SI: variants seen among roughly 807,000 people sequenced by gnomAD.
SI encodes sucrase-isomaltase, also known as sucrase-isomaltase, intestinal.
SI carries 235 observed loss-of-function variants against 253.3 expected under a neutral mutation model. The observed-to-expected ratio is 0.93, with a 90% CI of 0.83 to 1.03. The LOEUF (loss-of-function observed/expected upper bound fraction) is 1.03. Ranked by LOEUF, SI falls within the 50% of genes least tolerant of loss-of-function variation. The pLI is 0.00. For missense variants in SI, 2,442 were observed against 2,211.1 expected, an observed-to-expected ratio of 1.10 and a Z score of -2.09; for synonymous variants, 819 against 712.0, an observed-to-expected ratio of 1.15 and a Z score of -2.39.
intron 40 of SI, 79 bp downstream of exon 40, chr3:164,996,456 A>G (rs1445827715): frequency 5.7e-6 from 5 of 871,324 alleles, no homozygotes; most frequent in Non-Finnish European, 5.9e-6. Context: ...ATACCAGCTA[A>G]CCAAGCCATG....
At chr3:165,066,637 T>C (rs1015693108) in intron 6 of SI, among the ~76,000 whole-genome samples, 1 of 151,988 alleles carries the variant, frequency 6.6e-6, no homozygotes, top group Non-Finnish European at 1.5e-5. Context: ...TTCTATGAAC[T>C]CAACATGTTT....
chr3:165,027,468 C>T (rs1291835874), intron 25 of SI, among the ~76,000 whole-genome samples: 2 of 151,234 alleles, frequency 1.3e-5, no homozygotes, highest in African/African-American at 4.8e-5. Context: ...GCCAGTATCA[C>T]CCTAATACCA....
chr3:164,981,231 G>T (rs769840289), intron 47 of SI, among the ~76,000 whole-genome samples: 2 of 151,952 alleles, frequency 1.3e-5, no homozygotes, highest in Non-Finnish European at 2.9e-5. Context: ...ATAGCGAGTT[G>T]CAGTGCAAAA....
chr3:165,066,974 ACTC>A (rs1198611007), intron 6 of SI, among the ~76,000 whole-genome samples: 6 of 151,584 alleles, frequency 4.0e-5, no homozygotes, highest in Admixed American at 6.6e-5. Flanking sequence ...ATGGGAAATA[ACTC>A]CTCTTTGGTC....
chr3:165,075,334 A>G (rs1249150309), intron 2 of SI, among the ~76,000 whole-genome samples: 3 of 152,030 alleles, frequency 2.0e-5, no homozygotes, highest in Non-Finnish European at 4.4e-5. Context: ...TTTGCTCAAG[A>G]GAGAATAATG....
intron 1 of SI, among the ~76,000 whole-genome samples, chr3:165,077,306 G>A (rs1715060778): frequency 6.6e-6 from 1 of 151,386 alleles, no homozygotes; most frequent in Non-Finnish European, 1.5e-5. Context: ...CCACTCTGAG[G>A]CACAGTTAAT....
intron 9 of SI, 40 bp downstream of exon 9, chr3:165,062,331 G>T (rs750555835): frequency 2.2e-5 from 21 of 970,524 alleles, no homozygotes; most frequent in Middle Eastern, 2.4e-4. Flanking sequence ...TGAAATAAAA[G>T]TATGCAGAAA....
At position 165,062,465 on chromosome 3, in the gene SI, G is replaced by T. The variant is rs776338698; in HGVS notation, c.926C>A (p.Thr309Asn). 1.3e-6 allele frequency: 2 copies of T among 1,591,104 alleles called. No homozygotes were observed. Among genetic ancestry groups the T allele is most frequent in the Non-Finnish European group, 1.7e-6 (2 of 1,159,952 alleles). Residue 309 changes from threonine (T) to asparagine (N), a missense_variant, in exon 9 of 48, where the codon ACT becomes AAT. Physicochemically the swap from Thr to Asn is moderately conservative, Grantham distance 65. Coordinates refer to ENST00000264382, the MANE Select transcript of SI (RefSeq NM_001041.4). Reference protein sequence around the residue: ...SNAMEIFIQPTPIVTYRVTGG... With the variant: ...SNAMEIFIQPNPIVTYRVTGG... ...GGTAACTCTATATGTTACTATTGGA[G>T]TAGGCTGGATAAAAATCTCTGCAAA...
chr3:165,027,403 G>A (rs1711986088), intron 25 of SI, among the ~76,000 whole-genome samples: 1 of 151,074 alleles, frequency 6.6e-6, no homozygotes, highest in African/African-American at 2.4e-5. Flanking sequence ...CCAATCTATT[G>A]ACGTTATTCC....
At chr3:164,989,964 G>A (rs190918015) in intron 44 of SI, among the ~76,000 whole-genome samples, 34 of 152,258 alleles carry the variant, frequency 2.2e-4, no homozygotes, top group African/African-American at 7.2e-4. Flanking sequence ...GTTTAGGTCA[G>A]TAAAACAATT....
Position 165,065,385 on chromosome 3 carries a change from T to C in SI, c.683A>G (p.Gln228Arg). 6.3e-7 allele frequency: 1 copy of C among 1,583,714 alleles called. No individual in the cohort carries two copies. Among genetic ancestry groups the C allele is most frequent in the Non-Finnish European group, 8.6e-7 (1 of 1,157,938 alleles). The change falls in exon 7 of 48, where the codon CAG becomes CGG. Residue 228 changes from glutamine to arginine, a missense_variant. Transcript: ENST00000264382. ...GPLVYSDQYL[Q>R]ISTRLPSDYI... ...ATCACTTGGAAGACGGGTTGAGATCTGTAAGTACTGGTCAGAGTACACTAA... is the reference window on the plus strand; with the variant it reads ...ATCACTTGGAAGACGGGTTGAGATCCGTAAGTACTGGTCAGAGTACACTAA...
chr3:165,016,268 A>G lies in SI; in HGVS notation c.3760-188T>C, dbSNP rs535712280. 5.9e-5 allele frequency among the ~76,000 whole-genome samples: 9 copies of G among 152,162 alleles called. No individual in the cohort carries two copies. In the South Asian group the frequency reaches 8.3e-4, roughly 14 times the overall value. On this transcript the variant is annotated intron_variant, in intron 31 of 47. Coordinates refer to ENST00000264382, the MANE Select transcript of SI (RefSeq NM_001041.4). ...GCATGTAAAGATGTAAAGTATTCTA[A>G]GAACAACTTTCTATAAATGTTCTGT... is the stretch of plus-strand genomic sequence containing the variant.
chr3:164,992,791 C>G (rs887051392), intron 41 of SI, among the ~76,000 whole-genome samples: 2 of 151,692 alleles, frequency 1.3e-5, no homozygotes, highest in African/African-American at 2.4e-5. Flanking sequence ...AATTTTAATT[C>G]ATTAATTTTA....
At chr3:164,984,391 T>C (rs541394854) in intron 45 of SI, among the ~76,000 whole-genome samples, 1 of 152,288 alleles carries the variant, frequency 6.6e-6, no homozygotes, top group South Asian at 2.1e-4. Context: ...GCTAATTTAA[T>C]ATGTATTACA....
chr3:165,038,118 T>A, intron 20 of SI, 94 bp from the exon 21 acceptor site: 2 of 1,157,034 alleles, frequency 1.7e-6, no homozygotes, highest in Non-Finnish European at 2.5e-6. Context: ...TATGAGCAAT[T>A]CATGTCATCC....
At chr3:164,998,759 A>G in intron 37 of SI, 86 bp from the exon 38 acceptor site, 1 of 1,159,588 alleles carries the variant, frequency 8.6e-7, no homozygotes, top group Non-Finnish European at 1.3e-6. Context: ...GTAAAAAAAA[A>G]TAGTGATTTG....
In SI at chr3:165,074,627, C is replaced by A; in HGVS notation, c.159G>T (p.Val53=). Residue 53 remains valine, a synonymous_variant, in exon 3 of 48, where the codon GTG becomes GTT. Coordinates refer to ENST00000264382, the MANE Select transcript of SI (RefSeq NM_001041.4). ...DSTSTPATTR[V]TTNPSDSGKC... ...TTCCTGAATCAGAAGGATTTGTAGT[C>A]ACACGAGTAGTAGCTGGAGTTGAAG... The A allele has an allele frequency of 6.2e-7, 1 of 1,610,792 alleles. No individual in the cohort carries two copies. Among genetic ancestry groups the A allele is most frequent in the South Asian group, 1.1e-5 (1 of 90,962 alleles).
chr3:165,043,643 G>A (rs1009114944), intron 16 of SI, among the ~76,000 whole-genome samples: 20 of 151,950 alleles, frequency 1.3e-4, no homozygotes, highest in African/African-American at 3.9e-4. Flanking sequence ...AGCTTTGCCC[G>A]ATGTGTACCC....
intron 13 of SI, among the ~76,000 whole-genome samples, chr3:165,050,102 G>A (rs1713350858): frequency 6.6e-6 from 1 of 152,034 alleles, no homozygotes; most frequent in South Asian, 2.1e-4. Flanking sequence ...TAGTTCATGT[G>A]TCTAGTTTTG....
Sources: gnomAD v4.1 joint callset for allele counts (sites outside exome capture counted in the v4.1 genomes callset) on GRCh38, gnomAD v4.1.1 for gene constraint, MANE v1.5 for transcripts, NCBI Gene and HGNC (gene_info 2026-07-23, HGNC 2026-07-21) for gene names.